KCTD1: variants seen among roughly 807,000 people sequenced by gnomAD.
KCTD1 encodes potassium channel tetramerization domain containing 1.
A neutral mutation model predicts 66.0 loss-of-function variants in KCTD1; 24 were observed. That is an observed-to-expected ratio of 0.36 (90% CI 0.26 to 0.51). The LOEUF (loss-of-function observed/expected upper bound fraction) is 0.51. Among genes scored for constraint, KCTD1 ranks in the 20% least tolerant of loss-of-function variants. The pLI, the probability that KCTD1 is intolerant of heterozygous loss-of-function variation, is 0.95. For synonymous variants in KCTD1, 511 were observed against 517.2 expected (o/e 0.99, Z 0.16); for missense variants, 943 against 1,205.2 (o/e 0.78, Z 3.22).
chr18:26,543,611 T>C (rs3819110), intron 1 of KCTD1: 69,781 of 152,180 alleles, frequency 0.46, 17,283 homozygotes, highest in African/African-American at 0.65. Flanking sequence ...CAGTTTCCAC[T>C]CTGCTAACTA....
chr18:26,628,140 T>C (rs954834691), intron 1 of KCTD1, among the ~76,000 whole-genome samples: 1 of 152,208 alleles, frequency 6.6e-6, no homozygotes, highest in Non-Finnish European at 1.5e-5. Flanking sequence ...CTATGTAAGA[T>C]ACATGTTTCA....
At chr18:26,559,372 C>A (rs1054457387) in intron 1 of KCTD1, among the ~76,000 whole-genome samples, 2 of 152,172 alleles carry the variant, frequency 1.3e-5, no homozygotes, top group African/African-American at 4.8e-5. Context: ...CCCCAAAATA[C>A]ACACACCTAC....
At chr18:26,548,818 A>C, upstream of KCTD1, 1 of 1,071,464 alleles carries the variant, frequency 9.3e-7, no homozygotes, top group Non-Finnish European at 1.1e-6. Flanking sequence ...CCCACTTCTA[A>C]GAAAACTTTG....
Position 26,547,258 on chromosome 18 carries a change from C to G in KCTD1, c.1279G>C (p.Gly427Arg). Residue 427 changes from glycine (G) to arginine (R), a missense_variant, in exon 1 of 5, where the codon GGC (glycine) becomes CGC (arginine). Gly to Arg is a moderately radical substitution (Grantham distance 125). Transcript: ENST00000580059. The part of the protein sequence containing the change: ...DVTWYENKAI[G>R]KNLLGTRMQM... ...ATCCGAGTGCCTAGCAAGTTCTTGCCGATGGCTTTGTTCTCGTACCAGGTC... is the reference window on the plus strand; with the variant it reads ...ATCCGAGTGCCTAGCAAGTTCTTGCGGATGGCTTTGTTCTCGTACCAGGTC... 6.4e-7 allele frequency: 1 copy of G among 1,551,650 alleles called. No homozygotes were observed. Among genetic ancestry groups the G allele is most frequent in the Non-Finnish European group, 8.7e-7 (1 of 1,146,988 alleles).
intron 1 of KCTD1, among the ~76,000 whole-genome samples, chr18:26,533,828 A>T (rs1397130033): frequency 4.3e-4 from 4 of 9,334 alleles, no homozygotes; most frequent in African/African-American, 1.3e-3. Context: ...GCTATTATTT[A>T]AAAAAAAAAA....
intron 1 of KCTD1, among the ~76,000 whole-genome samples, chr18:26,650,226 C>T (rs4800752): frequency 0.39 from 59,035 of 152,044 alleles, 12,079 homozygotes; most frequent in Non-Finnish European, 0.47. Flanking sequence ...GGGTATCTGG[C>T]AGAACTTGGG....
At chr18:26,461,430 T>G (rs1980418611) in intron 3 of KCTD1, among the ~76,000 whole-genome samples, 2 of 152,234 alleles carry the variant, frequency 1.3e-5, no homozygotes, top group Non-Finnish European at 2.9e-5. Context: ...AGCCCACTGC[T>G]CTGAAAATCT....
intron 1 of KCTD1, among the ~76,000 whole-genome samples, chr18:26,615,475 C>T (rs1014330717): frequency 4.6e-5 from 7 of 152,152 alleles, no homozygotes; most frequent in African/African-American, 2.4e-5. Flanking sequence ...TAGTACTGAG[C>T]ATTTTGATGT....
intron 1 of KCTD1, among the ~76,000 whole-genome samples, chr18:26,531,357 C>A (rs1412625579): frequency 6.6e-6 from 1 of 151,768 alleles, no homozygotes; most frequent in East Asian, 1.9e-4. Context: ...ATAAAATAAC[C>A]CAAAATCAAT....
At chr18:26,615,709 T>C (rs1267639776) in intron 1 of KCTD1, among the ~76,000 whole-genome samples, 1 of 152,212 alleles carries the variant, frequency 6.6e-6, no homozygotes, top group East Asian at 1.9e-4. Context: ...ATGTTTTTAT[T>C]GGTTGGAGAC....
chr18:26,607,908 C>A (rs145294498), intron 1 of KCTD1, among the ~76,000 whole-genome samples: 2,235 of 152,266 alleles, frequency 0.015, 56 homozygotes, highest in African/African-American at 0.051. Context: ...GCTGGGACTA[C>A]AGGTGTGCAC....
intron 1 of KCTD1, among the ~76,000 whole-genome samples, chr18:26,654,232 T>C (rs574149179): frequency 1.8e-4 from 28 of 152,310 alleles, no homozygotes; most frequent in African/African-American, 6.5e-4. Context: ...TTTAAAAACC[T>C]AAATTGCTTT....
chr18:26,550,604 A>ACACACACACACC (rs1257101913), upstream of KCTD1, among the ~76,000 whole-genome samples: 1 of 147,908 alleles, frequency 6.8e-6, no homozygotes, highest in Non-Finnish European at 1.5e-5. This position sits in a 1 kb window ranked among gnomAD's most constrained non-coding sequence, Gnocchi z 5.4. Flanking sequence ...ACACACACAC[A>ACACACACACACC]CCACGCTCTC....
intron 2 of KCTD1, among the ~76,000 whole-genome samples, chr18:26,490,147 C>T (rs1982121572): frequency 6.6e-6 from 1 of 152,200 alleles, no homozygotes; most frequent in African/African-American, 2.4e-5. Flanking sequence ...GCCACACCAC[C>T]ATGGTGCCCA....
chr18:26,605,171 G>A (rs2144979132), intron 1 of KCTD1, among the ~76,000 whole-genome samples: 2 of 152,318 alleles, frequency 1.3e-5, no homozygotes, highest in South Asian at 4.1e-4. Context: ...CATTGATCGG[G>A]ATGTACTCAT....
intron 1 of KCTD1, among the ~76,000 whole-genome samples, chr18:26,517,344 T>A (rs1420954113): frequency 6.6e-6 from 1 of 151,976 alleles, no homozygotes; most frequent in Non-Finnish European, 1.5e-5. Flanking sequence ...TCTCACGAGA[T>A]CTGATGGTTT....
At chr18:26,484,503 G>C (rs994854677) in intron 2 of KCTD1, among the ~76,000 whole-genome samples, 8 of 152,126 alleles carry the variant, frequency 5.3e-5, no homozygotes, top group Non-Finnish European at 1.0e-4. Context: ...GGGCCACTCG[G>C]GGGTAGCTGA....
intron 1 of KCTD1, among the ~76,000 whole-genome samples, chr18:26,540,843 A>G (rs1984942164): frequency 6.6e-6 from 1 of 152,206 alleles, no homozygotes; most frequent in African/African-American, 2.4e-5. Flanking sequence ...GAAGTTAAAA[A>G]TTTGTTAAAA....
upstream of KCTD1, among the ~76,000 whole-genome samples, chr18:26,630,116 G>A (rs984563868): frequency 1.3e-5 from 2 of 152,142 alleles, no homozygotes; most frequent in Non-Finnish European, 2.9e-5. Context: ...TCACTGTGAT[G>A]ACATTTATCC....
Sources: allele counts gnomAD v4.1 joint callset (sites outside exome capture counted in the v4.1 genomes callset), GRCh38; gene constraint gnomAD v4.1.1; non-coding constraint Gnocchi (gnomAD v3.1); transcripts MANE v1.5; gene names NCBI Gene and HGNC (gene_info 2026-07-23, HGNC 2026-07-21).